Variants in WASHC5 observed in about 807,000 individuals in gnomAD.
WASHC5 encodes the protein WASH complex subunit 5, also known as WASH complex subunit strumpellin.
Under a neutral mutation model 150.4 loss-of-function variants are expected in WASHC5, and 101 were observed. The ratio of observed to expected loss-of-function variants is 0.67; its 90% confidence interval spans 0.57 to 0.79. The LOEUF is 0.79. Ranked by LOEUF, WASHC5 falls within the 30% of genes least tolerant of loss-of-function variation. WASHC5 has a pLI of 0.00. For missense variants in WASHC5, 1,195 were observed against 1,396.3 expected, an observed-to-expected ratio of 0.86 and a Z score of 2.30; for synonymous variants, 467 against 491.2, an observed-to-expected ratio of 0.95 and a Z score of 0.65.
intron 12 of WASHC5, 134 bp from the exon 13 acceptor site, chr8:125,059,676 A>G: frequency 1.4e-6 from 1 of 702,426 alleles, no homozygotes; most frequent in Non-Finnish European, 2.4e-6. Context: ...CAAATTATAA[A>G]TTTCAGAAAC....
At chr8:125,080,564 T>C (rs1446441896) in intron 5 of WASHC5, among the ~76,000 whole-genome samples, 1 of 152,210 alleles carries the variant, frequency 6.6e-6, no homozygotes, top group African/African-American at 2.4e-5. Context: ...ATTTTTAAGT[T>C]TGAAAATGTT....
At position 125,058,393 on chromosome 8, in the gene WASHC5, C is replaced by T. The variant is rs563624725; in HGVS notation, c.1765-727G>A. On this transcript the variant is annotated intron_variant, in intron 14 of 28. Transcript: ENST00000318410. ...TAAAACCCCATCCCCCTCACTCCCA[C>T]GTCCCAAAAAAAGGTGCATCTCAGA... is the stretch of plus-strand genomic sequence containing the variant. 5.1e-4 allele frequency among the ~76,000 whole-genome samples: 77 copies of T among 151,542 alleles called. 1 individual carries two copies. Among genetic ancestry groups the T allele is most frequent in the Middle Eastern group, 3.4e-3 (1 of 294 alleles).
intron 1 of WASHC5, among the ~76,000 whole-genome samples, chr8:125,085,988 T>C (rs1203523821): frequency 2.6e-5 from 4 of 152,158 alleles, no homozygotes; most frequent in South Asian, 2.1e-4. Context: ...AATCTGATTA[T>C]AATAATGTGG....
intron 18 of WASHC5, among the ~76,000 whole-genome samples, chr8:125,050,325 G>C (rs1032254181): frequency 6.6e-6 from 1 of 151,820 alleles, no homozygotes; most frequent in Non-Finnish European, 1.5e-5. Flanking sequence ...AAGAAGCACT[G>C]GTTTTAAAAA....
At chr8:125,081,236 C>A (rs375336877) in intron 5 of WASHC5, among the ~76,000 whole-genome samples, 3 of 129,150 alleles carry the variant, frequency 2.3e-5, no homozygotes, top group Non-Finnish European at 3.2e-5. Context: ...AAGAATCTTA[C>A]TTTTTTTTTT....
intron 10 of WASHC5, among the ~76,000 whole-genome samples, chr8:125,065,220 G>C (rs1044337942): frequency 2.0e-5 from 3 of 152,198 alleles, no homozygotes; most frequent in African/African-American, 7.2e-5. Context: ...GTGACTCTAT[G>C]AACTGTGCAG....
chr8:125,049,328 G>C, intron 18 of WASHC5, 143 bp from the exon 19 acceptor site: 1 of 848,676 alleles, frequency 1.2e-6, no homozygotes, highest in East Asian at 2.6e-5. Context: ...GGAGGCTTAG[G>C]CAGGAAGATC....
intron 1 of WASHC5, among the ~76,000 whole-genome samples, chr8:125,091,328 A>T (rs971913197): frequency 6.6e-6 from 1 of 152,154 alleles, no homozygotes; most frequent in Non-Finnish European, 1.5e-5. Context: ...AATAACGACG[A>T]CATCCATACA....
In WASHC5 at chr8:125,078,878, G is replaced by A. The variant is rs748751233; in HGVS notation, c.571C>T (p.Arg191Ter). Reference sequence around the variant, plus strand: ...GGTTGGCTAGAATAACCTGTACTTCGAAGCAGCTTACAAATATCGTCCATA... The same window carrying A: ...GGTTGGCTAGAATAACCTGTACTTCAAAGCAGCTTACAAATATCGTCCATA... ...SNMDDICKLL[R>*]STGYSSQPGA... Residue 191 changes from arginine (R) to a stop codon, truncating the protein, a stop_gained, in exon 6 of 29, where the codon CGA becomes TGA. Coordinates refer to ENST00000318410, the MANE Select transcript of WASHC5 (RefSeq NM_014846.4). LOFTEE classifies it high-confidence loss of function. 1.9e-6 allele frequency: 3 copies of A among 1,613,800 alleles called. No homozygotes were observed. The highest frequency in any genetic ancestry group is 2.7e-5 in the African/African-American group (2 of 74,936).
intron 8 of WASHC5, 29 bp downstream of exon 8, chr8:125,074,969 T>C: frequency 7.7e-7 from 1 of 1,306,148 alleles, no homozygotes; most frequent in Non-Finnish European, 1.1e-6. Flanking sequence ...CCTGCAGTTA[T>C]CAGAGAATGT....
chr8:125,052,962 C>T (rs1039168419), intron 17 of WASHC5, among the ~76,000 whole-genome samples: 6 of 152,106 alleles, frequency 3.9e-5, no homozygotes, highest in Non-Finnish European at 8.8e-5. Context: ...TACAGTTGGG[C>T]AATATCATCC....
chr8:125,074,994 C>T lies in WASHC5; in HGVS notation c.978+4G>A. ...TCAGAGAATGTCCCCAGATTAGAAC[C>T]TACCTGTTCTCTGACATTTGAAAGG... On this transcript the variant is annotated splice_donor_region_variant and intron_variant, in intron 8 of 28. Coordinates refer to ENST00000318410, the MANE Select transcript of WASHC5 (RefSeq NM_014846.4). 1 of 1,554,916 alleles carries T rather than the reference C, an allele frequency of 6.4e-7. No individual in the cohort carries two copies. Among genetic ancestry groups the T allele is most frequent in the South Asian group, 1.1e-5 (1 of 89,844 alleles).
Position 125,083,154 on chromosome 8 carries a change from T to C in WASHC5, c.291A>G (p.Leu97=), listed in dbSNP as rs377655045. ...NNIEIVTRFY[L]AFQSVHKYIV... is the part of the protein sequence containing the mutation. ...TATATTTATGTACACTTTGAAATGC[T>C]AAATAAAATCTGGTCACAATTTCTA... The change falls in exon 3 of 29, where the codon TTA becomes TTG. Residue 97 remains leucine (L), a synonymous_variant. Transcript: ENST00000318410. The C allele has an allele frequency of 6.3e-7, 1 of 1,575,020 alleles. No individual in the cohort carries two copies. The highest frequency in any genetic ancestry group is 8.7e-7 in the Non-Finnish European group (1 of 1,145,140).
intron 16 of WASHC5, 114 bp from the exon 17 acceptor site, chr8:125,055,785 C>T (rs1423898921): frequency 9.2e-6 from 7 of 757,918 alleles, no homozygotes; most frequent in African/African-American, 3.4e-5. Flanking sequence ...ATATTCTGGA[C>T]AGAAATGAGG....
intron 7 of WASHC5, 117 bp downstream of exon 7, chr8:125,076,230 TA>T: frequency 1.1e-6 from 1 of 904,586 alleles, no homozygotes; most frequent in South Asian, 1.4e-5. Context: ...CAAGTTTACC[TA>T]AGTGATGTTA....
chr8:125,076,616 T>C (rs1009350825), intron 6 of WASHC5, 116 bp from the exon 7 acceptor site: 34 of 1,223,332 alleles, frequency 2.8e-5, no homozygotes, highest in Non-Finnish European at 3.8e-5. Context: ...CCATCACCTT[T>C]CAGGATCCTG....
chr8:125,077,338 C>A (rs965123859), intron 6 of WASHC5, among the ~76,000 whole-genome samples: 1 of 152,238 alleles, frequency 6.6e-6, no homozygotes, highest in African/African-American at 2.4e-5. Flanking sequence ...CCAGGCTACT[C>A]GCCATATACA....
intron 8 of WASHC5, 87 bp downstream of exon 8, chr8:125,074,911 A>G (rs1417820838): frequency 1.2e-6 from 1 of 836,114 alleles, no homozygotes; most frequent in East Asian, 2.4e-5. Context: ...TTATCTTCCA[A>G]ATTCCTTGGG....
intron 23 of WASHC5, among the ~76,000 whole-genome samples, 167 bp downstream of exon 23, chr8:125,043,658 C>T (rs747479342): frequency 2.0e-5 from 3 of 151,982 alleles, no homozygotes; most frequent in Non-Finnish European, 4.4e-5. Context: ...GATCCAGAAA[C>T]GGAGATAAAC....
Sources: allele counts gnomAD v4.1 joint callset (sites outside exome capture counted in the v4.1 genomes callset), GRCh38; gene constraint gnomAD v4.1.1; transcripts MANE v1.5; gene names NCBI Gene and HGNC (gene_info 2026-07-23, HGNC 2026-07-21).